Variants in GALK2 observed in about 807,000 individuals in gnomAD.
GALK2 encodes N-acetylgalactosamine kinase.
In GALK2, 36 loss-of-function variants were observed where a neutral mutation model predicts 52.4. The observed-to-expected ratio is 0.69, with a 90% confidence interval of 0.53 to 0.91. The LOEUF (loss-of-function observed/expected upper bound fraction) is 0.91, where lower values mean the gene tolerates loss of function less well. Among genes scored for constraint, GALK2 ranks in the 40% least tolerant of loss-of-function variants. GALK2 has a pLI of 0.00. For synonymous variants in GALK2, 176 were observed against 199.1 expected (o/e 0.88, Z 0.98); for missense variants, 579 against 559.1 (o/e 1.04, Z -0.36).
chr15:49,322,600 A>T (rs1230914524), intron 9 of GALK2, among the ~76,000 whole-genome samples: 3 of 152,134 alleles, frequency 2.0e-5, no homozygotes, highest in African/African-American at 4.8e-5. Context: ...CAATCAATAC[A>T]TATTTTCACA....
At chr15:49,160,105 C>G (rs1411689064) in intron 1 of GALK2, among the ~76,000 whole-genome samples, 1 of 151,936 alleles carries the variant, frequency 6.6e-6, no homozygotes, top group East Asian at 1.9e-4. Flanking sequence ...GAAATCCTGT[C>G]TCTACTAAAA....
At chr15:49,286,420 A>G (rs1056982892) in intron 7 of GALK2, among the ~76,000 whole-genome samples, 5 of 152,196 alleles carry the variant, frequency 3.3e-5, no homozygotes, top group African/African-American at 1.2e-4. Context: ...AGGTGTGTAA[A>G]GTATAGTTTT....
chr15:49,333,205 A>G (rs947606456), downstream of GALK2, among the ~76,000 whole-genome samples: 1 of 152,188 alleles, frequency 6.6e-6, no homozygotes, highest in Non-Finnish European at 1.5e-5. Flanking sequence ...ATTAAAGTGT[A>G]CAGTTCAGTG....
At chr15:49,200,299 T>C (rs1031747818) in intron 1 of GALK2, among the ~76,000 whole-genome samples, 6 of 152,206 alleles carry the variant, frequency 3.9e-5, no homozygotes, top group African/African-American at 1.2e-4. Context: ...AGAGGTCTCA[T>C]TAGAATTAGA....
Position 49,319,760 on chromosome 15 carries a change from A to G in GALK2, c.1124A>G (p.Tyr375Cys). The G allele has an allele frequency of 1.2e-6, 2 of 1,614,124 alleles. No homozygotes were observed. Among genetic ancestry groups the G allele is most frequent in the Non-Finnish European group, 8.5e-7 (1 of 1,180,032 alleles). ...NQSHMSCRDM[Y>C]ECSCPELDQL... is the part of the protein sequence containing the mutation. ...AGCCACATGAGCTGCCGGGACATGTATGAGTGCAGCTGCCCCGAGCTGGAT... is the reference window on the plus strand; with the variant it reads ...AGCCACATGAGCTGCCGGGACATGTGTGAGTGCAGCTGCCCCGAGCTGGAT... Residue 375 changes from tyrosine (Y) to cysteine (C), a missense_variant, in exon 9 of 10, where the codon TAT becomes TGT. Transcript: ENST00000560031.
chr15:49,347,906 C>G (rs1445957910), intron 3 of GALK2, among the ~76,000 whole-genome samples: 1 of 151,374 alleles, frequency 6.6e-6, no homozygotes, highest in Non-Finnish European at 1.5e-5. Context: ...GTAGTCCCAG[C>G]TACTCGGGAG....
intron 5 of GALK2, among the ~76,000 whole-genome samples, chr15:49,264,378 T>C (rs1318629042): frequency 6.6e-6 from 1 of 152,252 alleles, no homozygotes; most frequent in African/African-American, 2.4e-5. Context: ...CTGAGGCTTC[T>C]GCATTCTTCA....
intron 3 of GALK2, among the ~76,000 whole-genome samples, chr15:49,231,936 A>G (rs1190244711): frequency 2.6e-5 from 4 of 152,208 alleles, no homozygotes; most frequent in Non-Finnish European, 4.4e-5. Flanking sequence ...TTACATGTGC[A>G]TGGTACAAGC....
intron 7 of GALK2, among the ~76,000 whole-genome samples, chr15:49,285,160 T>G (rs113017571): frequency 0.01 from 1,566 of 152,318 alleles, 14 homozygotes; most frequent in Non-Finnish European, 0.016. Flanking sequence ...CACCAAAGGT[T>G]TTTTCATTGG....
At chr15:49,264,902 G>A (rs370262073) in intron 5 of GALK2, among the ~76,000 whole-genome samples, 5 of 152,184 alleles carry the variant, frequency 3.3e-5, no homozygotes, top group East Asian at 1.9e-4. Context: ...TTCGTGAACC[G>A]CGAATGCTGC....
At chr15:49,169,086 G>A (rs990777479), upstream of GALK2, 7 of 152,752 alleles carry the variant, frequency 4.6e-5, no homozygotes, top group Admixed American at 4.0e-4. Context: ...TTGTCTCCAT[G>A]TTTCCTTCCC....
chr15:49,246,067 G>C (rs1428470776), intron 5 of GALK2, among the ~76,000 whole-genome samples: 1 of 152,148 alleles, frequency 6.6e-6, no homozygotes, highest in Non-Finnish European at 1.5e-5. Context: ...GTGTTGTTTT[G>C]AGAGATATGA....
chr15:49,212,997 T>C (rs1332912824), intron 2 of GALK2, among the ~76,000 whole-genome samples: 1 of 152,232 alleles, frequency 6.6e-6, no homozygotes, highest in African/African-American at 2.4e-5. Context: ...AATGTTTTTA[T>C]AAATATCCAT....
intron 3 of GALK2, among the ~76,000 whole-genome samples, chr15:49,358,902 G>A (rs1320633252): frequency 6.8e-6 from 1 of 147,830 alleles, no homozygotes; most frequent in Non-Finnish European, 1.5e-5. Flanking sequence ...ATAGATCAAT[G>A]GAACAGAACA....
chr15:49,178,850 G>A (rs1595895697), intron 1 of GALK2: 1 of 169,146 alleles, frequency 5.9e-6, no homozygotes, highest in East Asian at 1.6e-4. Context: ...GTGCTATTAC[G>A]GTTGTGCCTC....
At chr15:49,156,557 G>A (rs2084459756) in intron 1 of GALK2, 2 of 518,240 alleles carry the variant, frequency 3.9e-6, no homozygotes, top group East Asian at 5.0e-5. Context: ...TGTGTCTTCC[G>A]TGCAGCTGAA....
chr15:49,275,787 C>T (rs982532849), intron 5 of GALK2, among the ~76,000 whole-genome samples: 1 of 152,186 alleles, frequency 6.6e-6, no homozygotes, highest in Non-Finnish European at 1.5e-5. Context: ...TTTCGCCCTT[C>T]TCAGTGCTAA....
At chr15:49,299,709 G>GCTTTCTTTCTTTCTTTCTTTCTTTCTTT (rs34902544) in intron 8 of GALK2, among the ~76,000 whole-genome samples, 859 of 85,154 alleles carry the variant, frequency 0.01, 72 homozygotes, top group South Asian at 0.019. Context: ...TCTTGGTATT[G>GCTTTCTTTCTTTCTTTCTTTCTTTCTTT]CTTTCTTTCT....
rs1052622142 is a variant in GALK2 at position 49,328,478 on chromosome 15, T to C, written c.*319T>C. The C allele has an allele frequency of 6.5e-6, 10 of 1,545,770 alleles. No individual in the cohort carries two copies. In the African/African-American group the frequency reaches 1.2e-4, roughly 19 times the overall value. On this transcript the variant is annotated 3_prime_UTR_variant, in exon 10 of 10. Transcript: ENST00000560031. ...ACACTCTTAATACTGATTACATGGATTGGACTTGAATTAAATATATTGTTA... is the reference window on the plus strand; with the variant it reads ...ACACTCTTAATACTGATTACATGGACTGGACTTGAATTAAATATATTGTTA...
Sources: gnomAD v4.1 joint callset for allele counts (sites outside exome capture counted in the v4.1 genomes callset) on GRCh38, gnomAD v4.1.1 for gene constraint, MANE v1.5 for transcripts, NCBI Gene and HGNC (gene_info 2026-07-23, HGNC 2026-07-21) for gene names.